Variants in SEMA6D observed in about 807,000 individuals in gnomAD.
SEMA6D encodes semaphorin 6D.
A neutral mutation model predicts 106.6 loss-of-function variants in SEMA6D; 35 were observed. That is an observed-to-expected ratio of 0.33 (90% CI 0.25 to 0.44). The LOEUF is 0.44. Ranked by LOEUF, SEMA6D falls within the 20% of genes least tolerant of loss-of-function variation. The pLI is 1.00. For missense variants in SEMA6D, 1,185 were observed against 1,345.9 expected (o/e 0.88, Z 1.87); for synonymous variants, 499 against 487.7 (o/e 1.02, Z -0.31).
At chr15:47,228,763 A>G (rs1396932021) in intron 1 of SEMA6D, among the ~76,000 whole-genome samples, 1 of 152,008 alleles carries the variant, frequency 6.6e-6, no homozygotes, top group Non-Finnish European at 1.5e-5. Context: ...GACTGGCTAT[A>G]ACAAATCTTG....
intron 18 of SEMA6D, 22 bp downstream of exon 18, chr15:47,768,770 C>A: frequency 6.2e-7 from 1 of 1,602,330 alleles, no homozygotes; most frequent in Non-Finnish European, 8.5e-7. Context: ...GCAGGGACCT[C>A]ATCTCTAACT....
intron 1 of SEMA6D, among the ~76,000 whole-genome samples, chr15:47,727,579 T>G (rs971006571): frequency 2.6e-5 from 4 of 152,182 alleles, no homozygotes; most frequent in Admixed American, 2.6e-4. Flanking sequence ...AGAGAATGAT[T>G]ATGAGCTGAA....
intron 1 of SEMA6D, among the ~76,000 whole-genome samples, chr15:47,239,304 A>G (rs1322883315): frequency 6.6e-6 from 1 of 152,182 alleles, no homozygotes; most frequent in Non-Finnish European, 1.5e-5. Context: ...ATTCTACATT[A>G]TGGTAAGTTT....
At chr15:47,442,496 AC>A (rs2041911722) in intron 2 of SEMA6D, among the ~76,000 whole-genome samples, 1 of 152,080 alleles carries the variant, frequency 6.6e-6, no homozygotes, top group Non-Finnish European at 1.5e-5. Context: ...TAGTCATATG[AC>A]CTATACCATT....
intron 2 of SEMA6D, among the ~76,000 whole-genome samples, chr15:47,424,044 C>T (rs2041254198): frequency 6.6e-6 from 1 of 151,886 alleles, no homozygotes; most frequent in African/African-American, 2.4e-5. Flanking sequence ...AATTTTGCAA[C>T]TTTATTAAAT....
intron 3 of SEMA6D, among the ~76,000 whole-genome samples, chr15:47,545,689 C>T (rs551844723): frequency 2.1e-4 from 32 of 152,154 alleles, no homozygotes; most frequent in African/African-American, 7.0e-4. Context: ...CAAATATATG[C>T]GTTTCCCTCA....
chr15:47,649,971 G>C (rs1162151208), intron 4 of SEMA6D, among the ~76,000 whole-genome samples: 1 of 152,148 alleles, frequency 6.6e-6, no homozygotes, highest in East Asian at 1.9e-4. Flanking sequence ...ACTATCTCGA[G>C]GGAATAAAAC....
At chr15:47,459,085 C>T (rs1397794469) in intron 2 of SEMA6D, among the ~76,000 whole-genome samples, 1 of 151,924 alleles carries the variant, frequency 6.6e-6, no homozygotes, top group African/African-American at 2.4e-5. Flanking sequence ...TGTTATATAG[C>T]AAAGGTGATA....
chr15:47,462,369 A>G (rs1262935106), intron 2 of SEMA6D, among the ~76,000 whole-genome samples: 1 of 152,144 alleles, frequency 6.6e-6, no homozygotes, highest in Non-Finnish European at 1.5e-5. Flanking sequence ...CAAGCACTAC[A>G]TATGTTGCCT....
intron 3 of SEMA6D, among the ~76,000 whole-genome samples, chr15:47,521,803 G>A (rs918835825): frequency 3.0e-4 from 46 of 152,232 alleles, no homozygotes; most frequent in Non-Finnish European, 5.4e-4. Context: ...GCCTAACACG[G>A]TGAAACCCCG....
At chr15:47,531,060 G>T (rs1257279803) in intron 3 of SEMA6D, among the ~76,000 whole-genome samples, 3 of 151,948 alleles carry the variant, frequency 2.0e-5, no homozygotes, top group Non-Finnish European at 4.4e-5. Flanking sequence ...TAAAAATAAG[G>T]ATCAATGAAT....
chr15:47,691,322 A>G (rs1264900196), intron 4 of SEMA6D, among the ~76,000 whole-genome samples: 1 of 152,166 alleles, frequency 6.6e-6, no homozygotes, highest in Non-Finnish European at 1.5e-5. Flanking sequence ...AAGGGAGGGC[A>G]GGAAGTCAAA....
At chr15:47,570,754 G>A (rs1469703528) in intron 3 of SEMA6D, among the ~76,000 whole-genome samples, 3 of 152,158 alleles carry the variant, frequency 2.0e-5, no homozygotes, top group South Asian at 2.1e-4. Context: ...AGACAAATCA[G>A]GGTACTTTAC....
intron 4 of SEMA6D, among the ~76,000 whole-genome samples, chr15:47,682,839 G>A (rs1436982839): frequency 6.6e-6 from 1 of 152,152 alleles, no homozygotes; most frequent in East Asian, 1.9e-4. Context: ...ATGTCCACTG[G>A]TAGAGATGAA....
chr15:47,446,872 A>G (rs1232164073), intron 2 of SEMA6D, among the ~76,000 whole-genome samples: 1 of 152,160 alleles, frequency 6.6e-6, no homozygotes, highest in Non-Finnish European at 1.5e-5. Flanking sequence ...GCCAGCAAAG[A>G]GATAAGGTGA....
chr15:47,726,307 G>T lies in SEMA6D; in HGVS notation c.-55+8615G>T, dbSNP rs142666772. 3.8e-3 allele frequency among the ~76,000 whole-genome samples: 581 copies of T among 152,372 alleles called. 3 individuals carry two copies. Among genetic ancestry groups the T allele is most frequent in the African/African-American group, 0.014 (562 of 41,592 alleles). Reference sequence around the variant, plus strand: ...GAGTATAGGACTAATAGCTAACTAAGAGCCAACATATATTGAGTGCTTACT... The same window carrying T: ...GAGTATAGGACTAATAGCTAACTAATAGCCAACATATATTGAGTGCTTACT... On this transcript the variant is annotated intron_variant, in intron 1 of 18. Transcript: ENST00000536845.
chr15:47,471,319 A>T (rs1329078045), intron 3 of SEMA6D, among the ~76,000 whole-genome samples: 2 of 152,040 alleles, frequency 1.3e-5, no homozygotes, highest in African/African-American at 4.8e-5. Flanking sequence ...CATCTCCATA[A>T]ATATATCTTC....
chr15:47,486,554 G>A (rs2043301797), intron 3 of SEMA6D, among the ~76,000 whole-genome samples: 1 of 152,184 alleles, frequency 6.6e-6, no homozygotes, highest in South Asian at 2.1e-4. Context: ...CCAGACAGCT[G>A]GACGTGCACT....
intron 1 of SEMA6D, among the ~76,000 whole-genome samples, chr15:47,284,070 C>G (rs547590252): frequency 1.3e-5 from 2 of 152,260 alleles, no homozygotes; most frequent in African/African-American, 2.4e-5. Context: ...ACAAAACTAG[C>G]CTTTGCCACC....
Sources: allele counts gnomAD v4.1 joint callset (sites outside exome capture counted in the v4.1 genomes callset), GRCh38; gene constraint gnomAD v4.1.1; transcripts MANE v1.5; gene names NCBI Gene and HGNC (gene_info 2026-07-23, HGNC 2026-07-21).